The following SESN3 variants were observed in gnomAD, a reference collection of about 807,000 sequenced individuals.
The protein encoded by SESN3 is sestrin-3.
In SESN3, 21 loss-of-function variants were observed where a neutral mutation model predicts 55.3. The ratio of observed to expected loss-of-function variants is 0.38; its 90% CI spans 0.27 to 0.55. The LOEUF (loss-of-function observed/expected upper bound fraction) is 0.55, where lower values mean the gene tolerates loss of function less well. Ranked by LOEUF, SESN3 falls within the 20% of genes least tolerant of loss-of-function variation. The probability of loss-of-function intolerance (pLI) is 0.76; values close to 1 mark genes in which losing one functional copy is unlikely to be tolerated. For missense variants in SESN3, 408 were observed against 604.3 expected, an observed-to-expected ratio of 0.68 and a Z score of 3.41; for synonymous variants, 181 against 203.1, an observed-to-expected ratio of 0.89 and a Z score of 0.93.
rs1860375761 is a variant in SESN3 at position 95,197,133 on chromosome 11, C to T, written c.79-3611G>A. 3.3e-5 allele frequency among the ~76,000 whole-genome samples: 5 copies of T among 152,238 alleles called. No individual in the cohort carries two copies. In the South Asian group the frequency reaches 1.0e-3, roughly 32 times the overall value. On this transcript the variant is annotated intron_variant, in intron 1 of 9. Coordinates refer to ENST00000536441, the MANE Select transcript of SESN3 (RefSeq NM_144665.4). ...CTTGTGGTAATAAATAAATAACACC[C>T]AAGGTTTACCCTTTTAAATTAAGTG...
chr11:95,220,701 C>G (rs1860842403), intron 1 of SESN3, among the ~76,000 whole-genome samples: 1 of 152,126 alleles, frequency 6.6e-6, no homozygotes, highest in Non-Finnish European at 1.5e-5. Flanking sequence ...TTTATAACAG[C>G]CTTTCACACA....
At chr11:95,182,307 C>T (rs1039937508) in intron 6 of SESN3, 14 of 185,706 alleles carry the variant, frequency 7.5e-5, no homozygotes, top group African/African-American at 3.4e-4. Flanking sequence ...ATTAGTTTAC[C>T]TAGAAGGTTC....
chr11:95,174,781 C>T (rs1479162725), intron 9 of SESN3, among the ~76,000 whole-genome samples: 1 of 152,042 alleles, frequency 6.6e-6, no homozygotes, highest in East Asian at 1.9e-4. Context: ...GCCACTGCAC[C>T]CAGCCACTAT....
chr11:95,179,208 G>A (rs1860016168), intron 6 of SESN3, among the ~76,000 whole-genome samples: 1 of 151,656 alleles, frequency 6.6e-6, no homozygotes, highest in African/African-American at 2.4e-5. Context: ...TGGCTGGAGT[G>A]CAGTGGCGCG....
At chr11:95,223,318 G>T (rs1261770527) in intron 1 of SESN3, among the ~76,000 whole-genome samples, 2 of 152,110 alleles carry the variant, frequency 1.3e-5, no homozygotes, top group African/African-American at 4.8e-5. Flanking sequence ...TTCTGCTGCT[G>T]CTTCCCCCAC....
At position 95,206,365 on chromosome 11, in the gene SESN3, T is replaced by TACACACACAC. The variant is rs3032056; in HGVS notation, c.79-12853_79-12844dup. ...TCCTGGATTTATGCCAGTCCTAAAATACACACACACACACACACACACACA... is the reference window on the plus strand; with the variant it reads ...TCCTGGATTTATGCCAGTCCTAAAATACACACACACACACACACACACACACACACACACA... On this transcript the variant is annotated intron_variant, in intron 1 of 9. Transcript: ENST00000536441. 3.6e-4 allele frequency among the ~76,000 whole-genome samples: 51 copies of TACACACACAC among 140,468 alleles called. 1 individual carries two copies. The highest frequency in any genetic ancestry group is 1.2e-3 in the African/African-American group (45 of 38,316). 92.2% of individuals were successfully genotyped at this position (140,468 alleles called of 152,430 possible). A position where few individuals can be genotyped will look rare whatever the true frequency, so the allele number is the denominator to read the frequency against.
upstream of SESN3, chr11:95,231,335 G>A (rs1861064573): frequency 5.2e-6 from 2 of 387,664 alleles, no homozygotes; most frequent in Non-Finnish European, 9.1e-6. Flanking sequence ...GCCCGACTGG[G>A]AGTCGCGCCG....
chr11:95,210,590 T>C (rs1374296992), intron 1 of SESN3, among the ~76,000 whole-genome samples: 1 of 152,238 alleles, frequency 6.6e-6, no homozygotes, highest in Non-Finnish European at 1.5e-5. Context: ...AATTCACTGA[T>C]ATGCTCAAAT....
At chr11:95,183,597 G>T (rs564413658) in intron 6 of SESN3, among the ~76,000 whole-genome samples, 18 of 150,266 alleles carry the variant, frequency 1.2e-4, no homozygotes, top group Admixed American at 6.0e-4. Context: ...CAAGAGAACC[G>T]CTTGAACCTA....
At chr11:95,177,289 C>G (rs995573255) in intron 8 of SESN3, among the ~76,000 whole-genome samples, 2 of 152,098 alleles carry the variant, frequency 1.3e-5, no homozygotes, top group African/African-American at 4.8e-5. Context: ...GAAGGCACAA[C>G]CTAGTACAGT....
chr11:95,175,974 T>A (rs1483138209), intron 8 of SESN3, among the ~76,000 whole-genome samples: 2 of 151,568 alleles, frequency 1.3e-5, no homozygotes, highest in African/African-American at 4.9e-5. Context: ...AGGAGAGGAG[T>A]TGTTATTTTA....
At chr11:95,213,282 T>C (rs1565473657) in intron 1 of SESN3, among the ~76,000 whole-genome samples, 2 of 152,204 alleles carry the variant, frequency 1.3e-5, no homozygotes, top group South Asian at 2.1e-4. Flanking sequence ...TCATTAACAG[T>C]AACCTCAGAG....
intron 1 of SESN3, among the ~76,000 whole-genome samples, chr11:95,202,596 T>TG (rs1860478667): frequency 6.6e-6 from 1 of 152,124 alleles, no homozygotes; most frequent in Non-Finnish European, 1.5e-5. Context: ...TATAAGCTTT[T>TG]AAGTGTTGAA....
intron 1 of SESN3, among the ~76,000 whole-genome samples, chr11:95,227,441 T>TG (rs1206158181): frequency 2.0e-5 from 3 of 152,156 alleles, no homozygotes; most frequent in African/African-American, 7.2e-5. Context: ...TTTGACCTCG[T>TG]GATCTGCCCA....
At chr11:95,218,359 C>T (rs1860798401) in intron 1 of SESN3, among the ~76,000 whole-genome samples, 1 of 152,234 alleles carries the variant, frequency 6.6e-6, no homozygotes, top group African/African-American at 2.4e-5. Context: ...CAAGTCATCA[C>T]GCTACGTAGG....
rs544492475 is a variant in SESN3, at chr11:95,218,313, AC to A, written c.78+12469del. Among the ~76,000 whole-genome samples, 78 of 152,354 alleles carry A rather than the reference AC, an allele frequency of 5.1e-4. 1 individual carries two copies. The highest frequency in any genetic ancestry group is 6.8e-3 in the Middle Eastern group (2 of 294). On this transcript the variant is annotated intron_variant, in intron 1 of 9. Transcript: ENST00000536441. ...ACTGTAGTGTCAACTGGGAGGCATA[AC>A]CTTGAAGATCTCTAAGAGACCCAGG...
At chr11:95,188,405 A>C (rs941711108) in intron 4 of SESN3, among the ~76,000 whole-genome samples, 5 of 151,772 alleles carry the variant, frequency 3.3e-5, no homozygotes, top group African/African-American at 9.7e-5. Flanking sequence ...ATTTTGGAAA[A>C]TTTTCCTGTG....
chr11:95,193,384 CAG>C, intron 2 of SESN3, 71 bp downstream of exon 2: 1 of 857,576 alleles, frequency 1.2e-6, no homozygotes, highest in Middle Eastern at 3.1e-4. Context: ...TTCATATTAA[CAG>C]GAGATATTCT....
intron 1 of SESN3, among the ~76,000 whole-genome samples, chr11:95,194,673 G>A (rs915924001): frequency 3.9e-5 from 6 of 151,970 alleles, no homozygotes; most frequent in Non-Finnish European, 8.8e-5. Context: ...GTACACTGGA[G>A]GACTGCATGT....
Sources: gnomAD v4.1 joint callset for allele counts (sites outside exome capture counted in the v4.1 genomes callset) on GRCh38, gnomAD v4.1.1 for gene constraint, MANE v1.5 for transcripts, NCBI Gene and HGNC (gene_info 2026-07-23, HGNC 2026-07-21) for gene names.